Variants in STPG2 observed in about 807,000 individuals in gnomAD.
STPG2 encodes the protein sperm tail PG-rich repeat containing 2, also known as sperm-tail PG-rich repeat-containing protein 2.
In STPG2, 56 loss-of-function variants were observed where a neutral mutation model predicts 54.2. The observed-to-expected ratio is 1.03, with a 90% CI of 0.83 to 1.29. The LOEUF (loss-of-function observed/expected upper bound fraction) is 1.29, where lower values mean the gene tolerates loss of function less well. Among genes scored for constraint, STPG2 ranks in the 50% most tolerant of loss-of-function variants. The pLI is 0.00. For synonymous variants in STPG2, 200 were observed against 181.8 expected (o/e 1.10, Z -0.81); for missense variants, 596 against 544.9 (o/e 1.09, Z -0.93).
Position 97,840,935 on chromosome 4 carries a change from G to GA in STPG2, c.1045-4dup. ...TAGCTGCCTGGCGCTGGAATAACCT[G>GA]AAAAAAAATTTAATAGATGAGCATA... On this transcript the variant is annotated splice_polypyrimidine_tract_variant and splice_region_variant and intron_variant, in intron 8 of 10. Coordinates refer to ENST00000295268, the MANE Select transcript of STPG2 (RefSeq NM_174952.3). 7 of 1,605,042 alleles carry GA rather than the reference G, an allele frequency of 4.4e-6. No individual in the cohort carries two copies. Among genetic ancestry groups the GA allele is most frequent in the South Asian group, 1.1e-5 (1 of 89,730 alleles).
intron 10 of STPG2, among the ~76,000 whole-genome samples, chr4:97,633,304 T>G (rs1025683760): frequency 1.3e-5 from 2 of 152,118 alleles, no homozygotes; most frequent in Non-Finnish European, 2.9e-5. Context: ...AATTAAAAAG[T>G]TGGAATATTG....
chr4:98,020,557 CT>C (rs1410122913), intron 5 of STPG2, among the ~76,000 whole-genome samples: 5 of 152,072 alleles, frequency 3.3e-5, no homozygotes, highest in Non-Finnish European at 7.4e-5. Context: ...AGGATTCCCT[CT>C]TTTTCTATTG....
At chr4:97,507,657 A>G (rs942660820) in intron 4 of STPG2, among the ~76,000 whole-genome samples, 20 of 152,020 alleles carry the variant, frequency 1.3e-4, no homozygotes, top group Admixed American at 3.9e-4. Flanking sequence ...AGGGGTTTCC[A>G]TGATTCACTC....
chr4:98,029,801 A>G (rs1224947909), intron 5 of STPG2, among the ~76,000 whole-genome samples: 1 of 152,184 alleles, frequency 6.6e-6, no homozygotes, highest in Admixed American at 6.6e-5. Context: ...CTTGCAATGC[A>G]GCCTGAACGT....
At chr4:97,527,773 G>C (rs1252625917) in intron 4 of STPG2, among the ~76,000 whole-genome samples, 1 of 152,142 alleles carries the variant, frequency 6.6e-6, no homozygotes, top group Non-Finnish European at 1.5e-5. Flanking sequence ...TTCTTCATAT[G>C]TTTGTTGGCT....
At chr4:97,479,754 C>A (rs188176282) in intron 4 of STPG2, among the ~76,000 whole-genome samples, 1 of 151,966 alleles carries the variant, frequency 6.6e-6, no homozygotes, top group East Asian at 1.9e-4. Context: ...AATTTACTCT[C>A]TTTTATTCAA....
At chr4:98,066,272 C>T (rs1214718574) in intron 5 of STPG2, among the ~76,000 whole-genome samples, 9 of 152,186 alleles carry the variant, frequency 5.9e-5, no homozygotes, top group South Asian at 2.1e-4. Context: ...TTTGTCAAAA[C>T]ATAAAGAGAA....
chr4:97,539,561 C>A (rs1263702758), intron 4 of STPG2, among the ~76,000 whole-genome samples: 2 of 152,180 alleles, frequency 1.3e-5, no homozygotes, highest in Non-Finnish European at 2.9e-5. Flanking sequence ...TAGAAACCTA[C>A]AAAGAGACTT....
chr4:97,711,225 T>C (rs1210525722), intron 10 of STPG2, among the ~76,000 whole-genome samples: 1 of 152,080 alleles, frequency 6.6e-6, no homozygotes, highest in Non-Finnish European at 1.5e-5. Context: ...GTAATATGAT[T>C]TAATATCATC....
At chr4:97,955,283 C>T (rs1261968839) in intron 7 of STPG2, among the ~76,000 whole-genome samples, 1 of 149,688 alleles carries the variant, frequency 6.7e-6, no homozygotes, top group Non-Finnish European at 1.5e-5. Flanking sequence ...GGCACGATCT[C>T]GGCTCACGGC....
chr4:97,928,875 T>C (rs1392454984), intron 8 of STPG2, among the ~76,000 whole-genome samples: 2 of 152,148 alleles, frequency 1.3e-5, no homozygotes, highest in African/African-American at 4.8e-5. Context: ...AATAAACCAA[T>C]TTTATTTTTT....
chr4:97,442,520 T>C (rs1198172526), intron 4 of STPG2, among the ~76,000 whole-genome samples: 1 of 152,136 alleles, frequency 6.6e-6, no homozygotes, highest in Non-Finnish European at 1.5e-5. Flanking sequence ...CTCTGGTAGC[T>C]TTTTGAGGGT....
rs1722120380 is a variant in STPG2 at position 97,653,124 on chromosome 4, T to TAGAC, written c.1320+59574_1320+59575insGTCT. ...ATAGATAGATAGATAGGTAGATAGA[T>TAGAC]AGATAGATAGACAGATACTATCAGA... On this transcript the variant is annotated intron_variant, in intron 10 of 10. Coordinates refer to ENST00000295268, the MANE Select transcript of STPG2 (RefSeq NM_174952.3). Among the ~76,000 whole-genome samples, 5 of 151,934 alleles carry TAGAC rather than the reference T, an allele frequency of 3.3e-5. No homozygotes were observed. In the South Asian group the frequency reaches 1.0e-3, roughly 31 times the overall value.
chr4:97,640,391 C>G, intron 10 of STPG2, among the ~76,000 whole-genome samples: 1 of 151,630 alleles, frequency 6.6e-6, no homozygotes, highest in Middle Eastern at 3.2e-3. Context: ...CTTTAAAGGA[C>G]TAATTAATTT....
chr4:97,635,439 G>T (rs1300172967), intron 10 of STPG2, among the ~76,000 whole-genome samples: 2 of 152,104 alleles, frequency 1.3e-5, no homozygotes, highest in Non-Finnish European at 2.9e-5. Context: ...CAACTAACGA[G>T]CAAAATAACC....
chr4:97,540,416 C>G (rs989450375), intron 4 of STPG2, among the ~76,000 whole-genome samples: 1 of 152,132 alleles, frequency 6.6e-6, no homozygotes, highest in Admixed American at 6.6e-5. Flanking sequence ...CCTCCCAAGA[C>G]TAAACCAGGA....
intron 9 of STPG2, among the ~76,000 whole-genome samples, chr4:97,737,551 C>A (rs1725051291): frequency 6.6e-6 from 1 of 152,092 alleles, no homozygotes; most frequent in Non-Finnish European, 1.5e-5. Context: ...GGCTCGAGAA[C>A]TACGTGAAGA....
chr4:98,080,999 C>T (rs1738326373), intron 5 of STPG2, among the ~76,000 whole-genome samples: 1 of 152,160 alleles, frequency 6.6e-6, no homozygotes. Flanking sequence ...TTAGAAGCTG[C>T]CTTGGCCACT....
intron 9 of STPG2, among the ~76,000 whole-genome samples, chr4:97,738,924 C>T (rs535220900): frequency 8.5e-5 from 13 of 152,156 alleles, no homozygotes; most frequent in South Asian, 2.1e-4. Context: ...TTTTCAGCAC[C>T]GCACCACACC....
Sources: gnomAD v4.1 joint callset for allele counts (sites outside exome capture counted in the v4.1 genomes callset) on GRCh38, gnomAD v4.1.1 for gene constraint, MANE v1.5 for transcripts, NCBI Gene and HGNC (gene_info 2026-07-23, HGNC 2026-07-21) for gene names.